Variants in KIF4A observed in about 807,000 individuals in gnomAD.
KIF4A encodes chromosome-associated kinesin KIF4A.
A neutral mutation model predicts 105.9 loss-of-function variants in KIF4A; 7 were observed. The observed-to-expected ratio is 0.07, with a 90% CI of 0.04 to 0.12. KIF4A has a LOEUF of 0.12. Ranked by LOEUF, KIF4A falls within the 10% of genes least tolerant of loss-of-function variation. The pLI, the probability that KIF4A is intolerant of heterozygous loss-of-function variation, is 1.00. For missense variants in KIF4A, 558 were observed against 929.2 expected, an observed-to-expected ratio of 0.60 and a Z score of 5.19; for synonymous variants, 281 against 331.3, an observed-to-expected ratio of 0.85 and a Z score of 1.65.
intron 15 of KIF4A, among the ~76,000 whole-genome samples, chrX:70,354,771 C>G (rs147021437): frequency 8.1e-4 from 90 of 111,650 alleles, no homozygotes; most frequent in Non-Finnish European, 1.4e-3. Flanking sequence ...TCCAGGGGAT[C>G]CCCCAGGGCC....
chrX:70,350,729 A>T (rs1450674110), intron 13 of KIF4A, among the ~76,000 whole-genome samples: 1 of 112,016 alleles, frequency 8.9e-6, no homozygotes, highest in African/African-American at 3.2e-5. Context: ...CTCACATTAA[A>T]GGTACTAAAA....
chrX:70,304,649 C>CTTTTTTTT (rs138222376), intron 7 of KIF4A, among the ~76,000 whole-genome samples: 3 of 51,538 alleles, frequency 5.8e-5, no homozygotes, highest in Non-Finnish European at 9.6e-5. Flanking sequence ...TACTTCATTC[C>CTTTTTTTT]TTTTTTTTTT....
At chrX:70,318,437 A>AT (rs988475037) in intron 7 of KIF4A, among the ~76,000 whole-genome samples, 2 of 110,717 alleles carry the variant, frequency 1.8e-5, no homozygotes, top group African/African-American at 6.6e-5. Flanking sequence ...TGGATATTCC[A>AT]TTTTTTTCCA....
intron 10 of KIF4A, among the ~76,000 whole-genome samples, chrX:70,341,547 G>A (rs983774786): frequency 5.4e-5 from 6 of 111,427 alleles, no homozygotes; most frequent in Admixed American, 1.9e-4. Flanking sequence ...TGTTGCAACC[G>A]TATCTGGCTC....
intron 18 of KIF4A, among the ~76,000 whole-genome samples, chrX:70,380,839 A>G (rs1171990484): frequency 8.9e-6 from 1 of 112,521 alleles, no homozygotes; most frequent in African/African-American, 3.2e-5. Context: ...GTTGCAGAAT[A>G]TAAGATCAAT....
In KIF4A at chrX:70,338,700, T is replaced by C. The variant is rs188773613; in HGVS notation, c.1134-3099T>C. On this transcript the variant is annotated intron_variant, in intron 10 of 30. Coordinates refer to ENST00000374403, the MANE Select transcript of KIF4A (RefSeq NM_012310.5). ...TCATATGTTTAACTTTTTACGAAAC[T>C]GCCAAACTGTTTTCCAAAGTGGCTA... is the stretch of plus-strand genomic sequence containing the variant. 5.4e-5 allele frequency among the ~76,000 whole-genome samples: 6 copies of C among 111,902 alleles called. No individual in the cohort carries two copies. The Admixed American group carries it at 5.7e-4, about 11-fold the overall frequency.
intron 7 of KIF4A, among the ~76,000 whole-genome samples, chrX:70,313,396 A>AT (rs902518539): frequency 7.4e-5 from 8 of 108,818 alleles, no homozygotes; most frequent in Middle Eastern, 8.7e-3. Flanking sequence ...TCTCTTTTTA[A>AT]TTTTTTTTTC....
At chrX:70,363,749 A>G (rs1255073264) in intron 15 of KIF4A, among the ~76,000 whole-genome samples, 1 of 112,153 alleles carries the variant, frequency 8.9e-6, no homozygotes, top group African/African-American at 3.2e-5. Flanking sequence ...TCCTTTGGGT[A>G]TATACCCAGT....
intron 28 of KIF4A, among the ~76,000 whole-genome samples, chrX:70,412,696 G>A (rs1355414766): frequency 1.8e-5 from 2 of 111,794 alleles, no homozygotes; most frequent in Non-Finnish European, 3.8e-5. Flanking sequence ...GCTGAAGTGG[G>A]CAGATTACTT....
At chrX:70,319,247 G>T (rs1007939091) in intron 7 of KIF4A, among the ~76,000 whole-genome samples, 22 of 111,369 alleles carry the variant, frequency 2.0e-4, no homozygotes, top group African/African-American at 7.2e-4. Context: ...TGGGCAACAG[G>T]GCGGGACTCC....
At chrX:70,313,543 A>G (rs1268330889) in intron 7 of KIF4A, among the ~76,000 whole-genome samples, 1 of 112,208 alleles carries the variant, frequency 8.9e-6, no homozygotes, top group Admixed American at 9.4e-5. Flanking sequence ...CTGTACCACA[A>G]CCAGATACCT....
In KIF4A at chrX:70,327,719, A is replaced by AC. The variant is rs748652695; in HGVS notation, c.779-1684dup. ...ATGAGGAAGAAAAGATGATCAATTG[A>AC]CCAAGGGTTCAGCTAAGGTTAGGTA... On this transcript the variant is annotated intron_variant, in intron 7 of 30. Transcript: ENST00000374403. Among the ~76,000 whole-genome samples the AC allele has an allele frequency of 3.6e-5, 4 of 111,909 alleles. No individual in the cohort carries two copies. The Admixed American group carries it at 3.8e-4, about 11-fold the overall frequency.
At chrX:70,370,009 G>A (rs1407495943) in intron 15 of KIF4A, among the ~76,000 whole-genome samples, 2 of 111,151 alleles carry the variant, frequency 1.8e-5, no homozygotes, top group Non-Finnish European at 3.8e-5. Context: ...ATACCATTAT[G>A]TTATAATTGC....
chrX:70,374,321 G>A, intron 16 of KIF4A, 67 bp downstream of exon 16: 1 of 703,352 alleles, frequency 1.4e-6, no homozygotes, highest in South Asian at 3.2e-5. Flanking sequence ...GCAAGAAATA[G>A]AGAAGTAGAA....
rs747858150 is a variant in KIF4A, at chrX:70,395,824, C to T, written c.2386C>T (p.Arg796Trp). The change falls in exon 21 of 31, where the codon CGG becomes TGG. Residue 796 changes from arginine (R) to tryptophan (W), a missense_variant and splice_region_variant. Arg to Trp is a moderately radical substitution (Grantham distance 101). Around this residue, in one of 2 missense-constraint regions of KIF4A, gnomAD observed 469 missense variants for 680.4 expected, o/e 0.69. Coordinates refer to ENST00000374403, the MANE Select transcript of KIF4A (RefSeq NM_012310.5). Reference sequence around the variant, plus strand: ...TGGGGAGAATCCACCTCCTAAACTCCGGGTAAGTACGCTTATGAAAAAATG... The same window carrying T: ...TGGGGAGAATCCACCTCCTAAACTCTGGGTAAGTACGCTTATGAAAAAATG... ...ESGENPPPKL[R>W]RRTFSLTEVR... The T allele has an allele frequency of 6.6e-6, 8 of 1,208,936 alleles. No homozygotes were observed. The highest frequency in any genetic ancestry group is 6.7e-6 in the Non-Finnish European group (6 of 894,685).
intron 15 of KIF4A, among the ~76,000 whole-genome samples, chrX:70,361,813 A>G (rs1226414657): frequency 8.9e-6 from 1 of 111,957 alleles, no homozygotes; most frequent in African/African-American, 3.2e-5. Context: ...GCATGCCTAC[A>G]TACTTCACTG....
intron 10 of KIF4A, among the ~76,000 whole-genome samples, chrX:70,334,604 T>A (rs890626159): frequency 1.8e-5 from 2 of 112,705 alleles, no homozygotes; most frequent in Non-Finnish European, 3.8e-5. Context: ...ACAGCATTTA[T>A]GTACAGTTCT....
chrX:70,322,547 G>A (rs1053096544), intron 7 of KIF4A, among the ~76,000 whole-genome samples: 1 of 108,417 alleles, frequency 9.2e-6, no homozygotes, highest in African/African-American at 3.4e-5. Flanking sequence ...TCCTGACCTC[G>A]TGATCCACCC....
chrX:70,328,371 C>T (rs2085918445), intron 7 of KIF4A, among the ~76,000 whole-genome samples: 3 of 110,443 alleles, frequency 2.7e-5, no homozygotes, highest in African/African-American at 9.9e-5. Flanking sequence ...GCAAAAGCAA[C>T]TAGCTAATTC....
Sources: gnomAD v4.1 joint callset for allele counts (sites outside exome capture counted in the v4.1 genomes callset) on GRCh38, gnomAD v4.1.1 for gene constraint, gnomAD v4.1.1 regional missense constraint, MANE v1.5 for transcripts, NCBI Gene and HGNC (gene_info 2026-07-23, HGNC 2026-07-21) for gene names.